CNTN4: variants seen among roughly 807,000 people sequenced by gnomAD.
The protein encoded by CNTN4 is contactin 4, also known as contactin-4.
CNTN4 carries 77 observed loss-of-function variants against 122.5 expected under a neutral mutation model. That is an observed-to-expected ratio of 0.63 (90% CI 0.52 to 0.76). The LOEUF is 0.76. CNTN4 is among the 30% of genes least tolerant of loss of function. CNTN4 has a pLI of 0.00. For missense variants in CNTN4, 1,256 were observed against 1,259.1 expected, an observed-to-expected ratio of 1.00 and a Z score of 0.04; for synonymous variants, 512 against 447.0, an observed-to-expected ratio of 1.15 and a Z score of -1.83.
At chr3:2,933,694 T>C (rs1394262718) in intron 13 of CNTN4, among the ~76,000 whole-genome samples, 1 of 152,208 alleles carries the variant, frequency 6.6e-6, no homozygotes, top group Non-Finnish European at 1.5e-5. Context: ...TTTCTGTATA[T>C]GTTTTATTCC....
intron 4 of CNTN4, among the ~76,000 whole-genome samples, chr3:2,730,221 T>C (rs1188290710): frequency 6.6e-6 from 1 of 152,222 alleles, no homozygotes; most frequent in East Asian, 1.9e-4. Context: ...TCATTAATGT[T>C]TCATATATAC....
intron 3 of CNTN4, among the ~76,000 whole-genome samples, chr3:2,563,330 TTCTA>T (rs769757746): frequency 1.5e-4 from 23 of 152,226 alleles, no homozygotes; most frequent in Admixed American, 4.6e-4. Flanking sequence ...TCAGAGAAAG[TTCTA>T]TCTATTACTT....
rs141053650 is a variant in CNTN4, at chr3:2,325,268, C to T, written c.-144-13910C>T. On this transcript the variant is annotated intron_variant, in intron 2 of 24. Coordinates refer to ENST00000418658, the MANE Select transcript of CNTN4 (RefSeq NM_175607.3). ...AAGAGAGATTTACAAAAATGTAGAA[C>T]ATGCTATCCTCCTCATTATTTTTTG... Among the ~76,000 whole-genome samples the T allele has an allele frequency of 1.7e-3, 265 of 152,292 alleles. 1 individual carries two copies. Among genetic ancestry groups the T allele is most frequent in the African/African-American group, 5.9e-3 (245 of 41,562 alleles).
At chr3:2,453,782 G>T (rs1200876785) in intron 3 of CNTN4, among the ~76,000 whole-genome samples, 2 of 152,094 alleles carry the variant, frequency 1.3e-5, no homozygotes, top group African/African-American at 4.8e-5. Context: ...ATAACTTGAA[G>T]GTCAGTGTTA....
chr3:2,448,545 G>A (rs759746415), intron 3 of CNTN4, among the ~76,000 whole-genome samples: 5 of 152,166 alleles, frequency 3.3e-5, no homozygotes, highest in Admixed American at 2.6e-4. Context: ...GAAAGCTATC[G>A]GAAGGTTGGT....
chr3:2,726,026 A>C lies in CNTN4; in HGVS notation c.56-10189A>C, dbSNP rs930089816. Among the ~76,000 whole-genome samples, 6 of 152,310 alleles carry C rather than the reference A, an allele frequency of 3.9e-5. No individual in the cohort carries two copies. In the East Asian group the frequency reaches 1.2e-3, roughly 29 times the overall value. ...TCATATCTGAGAATCTTAGGGATAA[A>C]GCTTGCTTGGGACGGAACTTGTTCC... On this transcript the variant is annotated intron_variant, in intron 4 of 24. Coordinates refer to ENST00000418658, the MANE Select transcript of CNTN4 (RefSeq NM_175607.3).
chr3:2,467,713 T>C (rs1048788734), intron 3 of CNTN4, among the ~76,000 whole-genome samples: 2 of 152,328 alleles, frequency 1.3e-5, no homozygotes, highest in Non-Finnish European at 2.9e-5. Flanking sequence ...TAAAAATCTC[T>C]TAGATATAGG....
chr3:2,272,771 G>C (rs2041351648), intron 2 of CNTN4, among the ~76,000 whole-genome samples: 1 of 151,062 alleles, frequency 6.6e-6, no homozygotes, highest in Non-Finnish European at 1.5e-5. Flanking sequence ...CTCATTTATT[G>C]GAAGGAGCAT....
chr3:2,785,352 C>T (rs575723322), intron 6 of CNTN4, among the ~76,000 whole-genome samples: 1 of 152,182 alleles, frequency 6.6e-6, no homozygotes, highest in South Asian at 2.1e-4. Flanking sequence ...TATCTGAGCT[C>T]AGTAGGCAGG....
chr3:2,340,710 T>TATATATATATATATATATATATAG, intron 3 of CNTN4, among the ~76,000 whole-genome samples: 1 of 18,306 alleles, frequency 5.5e-5, no homozygotes, highest in African/African-American at 1.0e-4. Flanking sequence ...TATATATATA[T>TATATATATATATATATATATATAG]AGAGAGAGAG....
chr3:2,985,031 C>T (rs1694419636), intron 13 of CNTN4, among the ~76,000 whole-genome samples: 1 of 152,216 alleles, frequency 6.6e-6, no homozygotes, highest in Non-Finnish European at 1.5e-5. Flanking sequence ...ATGGTCTTTA[C>T]TGAGCAACTG....
chr3:2,379,790 C>T (rs939703071), intron 3 of CNTN4, among the ~76,000 whole-genome samples: 8 of 152,116 alleles, frequency 5.3e-5, no homozygotes, highest in Non-Finnish European at 1.0e-4. Context: ...CGCGGTGGCT[C>T]ACGCCTGTAA....
intron 2 of CNTN4, among the ~76,000 whole-genome samples, chr3:2,179,304 G>T (rs1024260349): frequency 2.6e-5 from 4 of 151,924 alleles, no homozygotes; most frequent in Non-Finnish European, 4.4e-5. Context: ...AATAAGAAAT[G>T]TTGCTTCCTG....
intron 4 of CNTN4, among the ~76,000 whole-genome samples, chr3:2,725,987 G>A (rs115192700): frequency 0.011 from 1,643 of 152,262 alleles, 20 homozygotes; most frequent in African/African-American, 0.032. Flanking sequence ...TTAAATGAAG[G>A]CAATCATTAG....
intron 3 of CNTN4, among the ~76,000 whole-genome samples, chr3:2,508,704 G>T (rs2076801801): frequency 6.6e-6 from 1 of 152,074 alleles, no homozygotes; most frequent in Non-Finnish European, 1.5e-5. Context: ...ATACATTTTG[G>T]CTTCTAAAAT....
intron 3 of CNTN4, among the ~76,000 whole-genome samples, chr3:2,391,175 G>A (rs2046429239): frequency 6.6e-6 from 1 of 152,148 alleles, no homozygotes; most frequent in Admixed American, 6.5e-5. Flanking sequence ...TGTTTATGGG[G>A]TTGGATACTT....
At chr3:2,338,683 A>G (rs1314046904) in intron 2 of CNTN4, among the ~76,000 whole-genome samples, 1 of 152,144 alleles carries the variant, frequency 6.6e-6, no homozygotes, top group Non-Finnish European at 1.5e-5. Flanking sequence ...TTTCACAATT[A>G]AAGTTTAAGT....
At chr3:2,287,129 G>T (rs2041930499) in intron 2 of CNTN4, among the ~76,000 whole-genome samples, 1 of 152,116 alleles carries the variant, frequency 6.6e-6, no homozygotes, top group South Asian at 2.1e-4. Context: ...ATCATTTGAT[G>T]GTAGTTGAAC....
intron 2 of CNTN4, among the ~76,000 whole-genome samples, chr3:2,123,507 C>T (rs895379557): frequency 6.6e-5 from 10 of 152,034 alleles, no homozygotes; most frequent in Admixed American, 5.9e-4. Flanking sequence ...GCTTTTGCAC[C>T]CCTGTACTTA....
Sources: allele counts gnomAD v4.1 joint callset (sites outside exome capture counted in the v4.1 genomes callset), GRCh38; gene constraint gnomAD v4.1.1; transcripts MANE v1.5; gene names NCBI Gene and HGNC (gene_info 2026-07-23, HGNC 2026-07-21).